The following SSBP2 variants were observed in gnomAD, a reference collection of about 807,000 sequenced individuals.
SSBP2 encodes single-stranded DNA-binding protein 2.
Under a neutral mutation model 61.8 loss-of-function variants are expected in SSBP2, and 17 were observed. The ratio of observed to expected loss-of-function variants is 0.28; its 90% CI spans 0.19 to 0.41. The LOEUF is 0.41. Among genes scored for constraint, SSBP2 ranks in the 10% least tolerant of loss-of-function variants. The probability of loss-of-function intolerance (pLI) is 1.00; values close to 1 mark genes in which losing one functional copy is unlikely to be tolerated. For missense variants in SSBP2, 310 were observed against 458.7 expected, an observed-to-expected ratio of 0.68 and a Z score of 2.96; for synonymous variants, 139 against 141.3, an observed-to-expected ratio of 0.98 and a Z score of 0.12.
intron 4 of SSBP2, among the ~76,000 whole-genome samples, chr5:81,567,893 C>T (rs1773554629): frequency 6.6e-6 from 1 of 152,266 alleles, no homozygotes; most frequent in East Asian, 1.9e-4. Context: ...GCCAATTTCT[C>T]ACATTTGGAA....
chr5:81,544,128 C>A (rs1441088906), intron 4 of SSBP2, among the ~76,000 whole-genome samples: 4 of 152,190 alleles, frequency 2.6e-5, no homozygotes, highest in African/African-American at 4.8e-5. Context: ...CGGCTCACTG[C>A]AAGCTCCGCC....
At position 81,413,209 on chromosome 5, in the gene SSBP2, A is replaced by G. The variant is rs1389240954; in HGVS notation, c.*7295T>C. ...GTACATCTTTATGGCAACTTATCCCATTACATGAATAGCTCAAGTACTTGT... is the reference window on the plus strand; with the variant it reads ...GTACATCTTTATGGCAACTTATCCCGTTACATGAATAGCTCAAGTACTTGT... On this transcript the variant is annotated 3_prime_UTR_variant, in exon 17 of 17. Coordinates refer to ENST00000320672, the MANE Select transcript of SSBP2 (RefSeq NM_012446.5). 1 of 152,256 alleles carries G rather than the reference A, an allele frequency of 6.6e-6. No homozygotes were observed. Among genetic ancestry groups the G allele is most frequent in the Non-Finnish European group, 1.5e-5 (1 of 68,024 alleles). 9.4% of individuals were successfully genotyped at this position (152,256 alleles called of 1,614,324 possible). A position where few individuals can be genotyped will look rare whatever the true frequency, so the allele number is the denominator to read the frequency against.
At chr5:81,505,733 T>C (rs1768134668) in intron 5 of SSBP2, among the ~76,000 whole-genome samples, 1 of 152,182 alleles carries the variant, frequency 6.6e-6, no homozygotes, top group South Asian at 2.1e-4. Context: ...ACTATGATGC[T>C]TTATTGTTTC....
chr5:81,603,864 A>G (rs1268489151), intron 4 of SSBP2, among the ~76,000 whole-genome samples: 1 of 152,188 alleles, frequency 6.6e-6, no homozygotes, highest in African/African-American at 2.4e-5. Context: ...ATGAGCATAT[A>G]CAAATAAGGT....
intron 4 of SSBP2, among the ~76,000 whole-genome samples, chr5:81,514,977 G>A (rs1768902508): frequency 6.6e-6 from 1 of 151,896 alleles, no homozygotes; most frequent in African/African-American, 2.4e-5. Context: ...ATTTTAAGAT[G>A]AAACATGGAT....
At chr5:81,721,282 C>T (rs945999194) in intron 1 of SSBP2, among the ~76,000 whole-genome samples, 6 of 152,170 alleles carry the variant, frequency 3.9e-5, no homozygotes, top group South Asian at 2.1e-4. Context: ...GAGAATCACA[C>T]GACCTAAAAA....
intron 1 of SSBP2, among the ~76,000 whole-genome samples, chr5:81,734,400 T>C (rs1756460478): frequency 1.3e-5 from 2 of 152,216 alleles, no homozygotes; most frequent in African/African-American, 2.4e-5. Context: ...AGGTATATTC[T>C]AAATGACACC....
At chr5:81,708,362 T>G (rs1002354763) in intron 1 of SSBP2, among the ~76,000 whole-genome samples, 1 of 152,174 alleles carries the variant, frequency 6.6e-6, no homozygotes, top group South Asian at 2.1e-4. Flanking sequence ...AATCCTGATA[T>G]GTATTTGAAT....
At chr5:81,646,955 C>T (rs566796719) in intron 2 of SSBP2, among the ~76,000 whole-genome samples, 25 of 151,872 alleles carry the variant, frequency 1.6e-4, no homozygotes, top group Non-Finnish European at 3.5e-4. Context: ...CAGGAAAACC[C>T]AAGCAGCTAG....
chr5:81,477,972 A>G (rs1007695226), intron 6 of SSBP2, among the ~76,000 whole-genome samples: 3 of 152,142 alleles, frequency 2.0e-5, no homozygotes, highest in Non-Finnish European at 4.4e-5. Context: ...CTGAAACTGA[A>G]TAGGCATGAA....
chr5:81,678,180 C>G (rs938702548), intron 1 of SSBP2, among the ~76,000 whole-genome samples: 2 of 151,848 alleles, frequency 1.3e-5, no homozygotes, highest in African/African-American at 4.8e-5. Flanking sequence ...TATGCAAGGA[C>G]AGATGGATAA....
chr5:81,542,817 T>TTCTCTCTCTCTCTCTCTCTCTCTCTCTC lies in SSBP2; in HGVS notation c.283-29128_283-29101dup, dbSNP rs60252222. Among the ~76,000 whole-genome samples the TTCTCTCTCTCTCTCTCTCTCTCTCTCTC allele has an allele frequency of 1.3e-3, 141 of 106,754 alleles. 8 individuals carry two copies. The highest frequency in any genetic ancestry group is 5.0e-3 in the African/African-American group (122 of 24,600). The allele number at this position is 106,754 out of a possible 152,430, so 70.0% of individuals were successfully genotyped here. A position where few individuals can be genotyped will look rare whatever the true frequency, so the allele number is the denominator to read the frequency against. ...ATGGTTTTTATAAGTATTTGACAGT[T>TTCTCTCTCTCTCTCTCTCTCTCTCTCTC]TCTCTCTCTCTCTCTCTCTCTCTCT... On this transcript the variant is annotated intron_variant, in intron 4 of 16. Transcript: ENST00000320672.
intron 1 of SSBP2, among the ~76,000 whole-genome samples, chr5:81,703,571 T>A (rs76378906): frequency 0.016 from 2,412 of 151,962 alleles, 54 homozygotes; most frequent in African/African-American, 0.056. Context: ...ATAATAAAAT[T>A]TAAAAAAAGA....
At chr5:81,745,463 A>T (rs1398701008) in intron 1 of SSBP2, among the ~76,000 whole-genome samples, 2 of 152,130 alleles carry the variant, frequency 1.3e-5, no homozygotes, top group East Asian at 3.8e-4. Context: ...ATATTAACAA[A>T]TGAATCTTAT....
At chr5:81,480,542 C>T (rs1765909936) in intron 6 of SSBP2, among the ~76,000 whole-genome samples, 1 of 152,144 alleles carries the variant, frequency 6.6e-6, no homozygotes, top group African/African-American at 2.4e-5. Flanking sequence ...GCTGACTGAT[C>T]AGGGTGGTGT....
At chr5:81,725,478 T>C (rs1755814033) in intron 1 of SSBP2, among the ~76,000 whole-genome samples, 2 of 152,264 alleles carry the variant, frequency 1.3e-5, no homozygotes, top group Admixed American at 1.3e-4. Context: ...ATGAAGTATA[T>C]GTATATATAC....
chr5:81,751,142 C>G, upstream of SSBP2: 1 of 1,235,036 alleles, frequency 8.1e-7, no homozygotes, highest in Non-Finnish European at 1.1e-6. Context: ...CAGCCACCCC[C>G]ACTATTGGCC....
chr5:81,708,236 A>G (rs933983373), intron 1 of SSBP2, among the ~76,000 whole-genome samples: 5 of 152,156 alleles, frequency 3.3e-5, no homozygotes, highest in Non-Finnish European at 7.4e-5. Context: ...CTCTCTCTAC[A>G]GAAAAGGAAA....
At chr5:81,645,354 A>G (rs1251370231) in intron 2 of SSBP2, among the ~76,000 whole-genome samples, 1 of 152,214 alleles carries the variant, frequency 6.6e-6, no homozygotes, top group East Asian at 1.9e-4. Context: ...TCAATAATTT[A>G]GCAATCCTAA....
Sources: gnomAD v4.1 joint callset for allele counts (sites outside exome capture counted in the v4.1 genomes callset) on GRCh38, gnomAD v4.1.1 for gene constraint, MANE v1.5 for transcripts, NCBI Gene and HGNC (gene_info 2026-07-23, HGNC 2026-07-21) for gene names.